NAPG: variants seen among roughly 807,000 people sequenced by gnomAD.
NAPG encodes the protein NSF attachment protein gamma, also known as gamma-soluble NSF attachment protein.
In NAPG, 25 loss-of-function variants were observed where a neutral mutation model predicts 48.4. The observed-to-expected ratio is 0.52, with a 90% CI of 0.38 to 0.72. The LOEUF is 0.72. Among genes scored for constraint, NAPG ranks in the 30% least tolerant of loss-of-function variants. NAPG has a pLI of 0.00. For missense variants in NAPG, 359 were observed against 372.5 expected (o/e 0.96, Z 0.30); for synonymous variants, 139 against 127.2 (o/e 1.09, Z -0.62).
chr18:10,545,935 G>A (rs1038939248), intron 8 of NAPG, among the ~76,000 whole-genome samples: 2 of 152,150 alleles, frequency 1.3e-5, no homozygotes, highest in Non-Finnish European at 2.9e-5. Flanking sequence ...GGAAGGCACC[G>A]AGTGCCTTGG....
At position 10,526,052 on chromosome 18, in the gene NAPG, G is replaced by A; in HGVS notation, c.-51G>A. 2 of 1,570,074 alleles carry A rather than the reference G, an allele frequency of 1.3e-6. No individual in the cohort carries two copies. Among genetic ancestry groups the A allele is most frequent in the South Asian group, 2.2e-5 (2 of 90,014 alleles). On this transcript the variant is annotated 5_prime_UTR_variant, in exon 1 of 12. Coordinates refer to ENST00000322897, the MANE Select transcript of NAPG (RefSeq NM_003826.3). Reference sequence around the variant, plus strand: ...CTATTTGGGCGGATTCTTGGCGCCGGAGGAAGAGGCAGGGTCACCCTCTCT... The same window carrying A: ...CTATTTGGGCGGATTCTTGGCGCCGAAGGAAGAGGCAGGGTCACCCTCTCT...
intron 5 of NAPG, among the ~76,000 whole-genome samples, chr18:10,536,551 G>A (rs747389831): frequency 2.0e-5 from 3 of 152,286 alleles, no homozygotes; most frequent in Non-Finnish European, 4.4e-5. Context: ...ATGGTGGAGG[G>A]TATAACTTTC....
At chr18:10,545,691 T>A (rs643757) in intron 8 of NAPG, among the ~76,000 whole-genome samples, 80,470 of 152,062 alleles carry the variant, frequency 0.53, 21,962 homozygotes, top group East Asian at 0.68. Context: ...TTGGGGGAAA[T>A]GTTTTGGTGA....
At chr18:10,537,436 G>A (rs568090192) in intron 5 of NAPG, among the ~76,000 whole-genome samples, 43 of 152,290 alleles carry the variant, frequency 2.8e-4, no homozygotes, top group African/African-American at 1.0e-3. Flanking sequence ...GCATCATAGG[G>A]CTCTTCATCC....
intron 5 of NAPG, among the ~76,000 whole-genome samples, chr18:10,535,658 G>A (rs929519530): frequency 4.6e-5 from 7 of 152,194 alleles, no homozygotes; most frequent in Non-Finnish European, 2.9e-5. Flanking sequence ...CTACTTGGGA[G>A]GCTGAGGCAG....
rs1320195546 is a variant in NAPG at position 10,534,930 on chromosome 18, T to C, written c.258+434T>C. Among the ~76,000 whole-genome samples the C allele has an allele frequency of 6.6e-6, 1 of 152,206 alleles. No homozygotes were observed. The highest frequency in any genetic ancestry group is 2.4e-5 in the African/African-American group (1 of 41,446). ...GCAGAAACAACCACAGATTTAAGCT[T>C]TTGCTACTTTAATTCATTCTGCATG... On this transcript the variant is annotated intron_variant, in intron 5 of 11. Transcript: ENST00000322897. The surrounding 1 kb of genome is among the most constrained non-coding windows in gnomAD (Gnocchi z 5.0).
In NAPG at chr18:10,543,469, C is replaced by CT. The variant is rs2032199180; in HGVS notation, c.507-2855dup. On this transcript the variant is annotated intron_variant, in intron 8 of 11. Coordinates refer to ENST00000322897, the MANE Select transcript of NAPG (RefSeq NM_003826.3). This position sits in a 1 kb window ranked among gnomAD's most constrained non-coding sequence, Gnocchi z 4.4. ...CTGAGATAAGGAATATAGAAACAAA[C>CT]TTATCAGTGATGATAATAAACTTAG... Among the ~76,000 whole-genome samples, 23 of 152,158 alleles carry CT rather than the reference C, an allele frequency of 1.5e-4. No homozygotes were observed. The highest frequency in any genetic ancestry group is 1.5e-3 in the Admixed American group (23 of 15,278).
chr18:10,529,152 G>GT (rs2031878886), intron 1 of NAPG, among the ~76,000 whole-genome samples: 1 of 152,164 alleles, frequency 6.6e-6, no homozygotes, highest in Non-Finnish European at 1.5e-5. Flanking sequence ...GTCTTTCCGT[G>GT]TATAGCACAT....
At chr18:10,527,063 C>T (rs953883076) in intron 1 of NAPG, among the ~76,000 whole-genome samples, 15 of 151,852 alleles carry the variant, frequency 9.9e-5, no homozygotes, top group African/African-American at 3.6e-4. Context: ...TGGCGGGCGC[C>T]TGTAGTCCCA....
At chr18:10,536,988 G>T (rs911783386) in intron 5 of NAPG, among the ~76,000 whole-genome samples, 19 of 141,778 alleles carry the variant, frequency 1.3e-4, no homozygotes, top group Non-Finnish European at 9.0e-5. Context: ...ACAGGATCTT[G>T]CTCTGTTGCC....
rs1471246032 is a variant in NAPG, at chr18:10,548,551, TC to T, written c.665+176del. Among the ~76,000 whole-genome samples the T allele has an allele frequency of 6.6e-6, 1 of 151,636 alleles. No individual in the cohort carries two copies. The highest frequency in any genetic ancestry group is 6.6e-5 in the Admixed American group (1 of 15,254). ...GGGTGTTTTACACCTTTTTTTTTTTTCCCTTTCCTGTATTTTTCTCTAGGGG... is the reference window on the plus strand; with the variant it reads ...GGGTGTTTTACACCTTTTTTTTTTTTCCTTTCCTGTATTTTTCTCTAGGGG... On this transcript the variant is annotated intron_variant, in intron 10 of 11. Coordinates refer to ENST00000322897, the MANE Select transcript of NAPG (RefSeq NM_003826.3). This position sits in a 1 kb window ranked among gnomAD's most constrained non-coding sequence, Gnocchi z 4.4.
rs768007837 is a variant in NAPG, at chr18:10,539,938, A to G, written c.369-50A>G. ...TTTTTGTTTTAAAGAGGTCCCTGAA[A>G]AACAAGTTTTCCATTTCTCATATAA... On this transcript the variant is annotated intron_variant, in intron 6 of 11. Coordinates refer to ENST00000322897, the MANE Select transcript of NAPG (RefSeq NM_003826.3). The surrounding 1 kb of genome is among the most constrained non-coding windows in gnomAD (Gnocchi z 4.7). 3 of 1,608,630 alleles carry G rather than the reference A, an allele frequency of 1.9e-6. No homozygotes were observed. The highest frequency in any genetic ancestry group is 2.5e-6 in the Non-Finnish European group (3 of 1,176,646).
rs377499689 is a variant in NAPG, at chr18:10,548,364, C to A, written c.651C>A (p.Val217=). The change falls in exon 10 of 12, where the codon GTC becomes GTA. Residue 217 remains valine (V), a synonymous_variant. Transcript: ENST00000322897. The surrounding 1 kb of genome is among the most constrained non-coding windows in gnomAD (Gnocchi z 4.4). ...ACTATGTAGCTGCAGAAAGATGTGT[C>A]CGGGAGAGCTATAGGTAAGACGTTG... The part of the protein sequence containing the change: ...RNDYVAAERC[V]RESYSIPGFN... 22 of 1,613,370 alleles carry A rather than the reference C, an allele frequency of 1.4e-5. No homozygotes were observed. Among genetic ancestry groups the A allele is most frequent in the Non-Finnish European group, 1.5e-5 (18 of 1,179,488 alleles).
rs573901378 is a variant in NAPG, at chr18:10,533,583, G to T, written c.227+30G>T. ...GTATTCTTCATGTTTTCATGTATTTGCAAATTATGTTTTAAATGTTGCTGT... is the reference window on the plus strand; with the variant it reads ...GTATTCTTCATGTTTTCATGTATTTTCAAATTATGTTTTAAATGTTGCTGT... On this transcript the variant is annotated intron_variant, in intron 4 of 11. Coordinates refer to ENST00000322897, the MANE Select transcript of NAPG (RefSeq NM_003826.3). The T allele has an allele frequency of 3.8e-6, 6 of 1,571,056 alleles. No homozygotes were observed. The African/African-American group carries it at 6.9e-5, about 18-fold the overall frequency.
chr18:10,530,200 T>G (rs1168077969), intron 1 of NAPG, among the ~76,000 whole-genome samples: 2 of 135,788 alleles, frequency 1.5e-5, no homozygotes, highest in Non-Finnish European at 3.1e-5. Flanking sequence ...TTTTTTTTTT[T>G]TTTTTTTTTT....
At chr18:10,541,107 C>G (rs969486145) in intron 8 of NAPG, among the ~76,000 whole-genome samples, 1 of 152,108 alleles carries the variant, frequency 6.6e-6, no homozygotes, top group Non-Finnish European at 1.5e-5. Context: ...ATGAATCTAT[C>G]CTATCTGAGA....
At chr18:10,537,487 G>A (rs2032059997) in intron 5 of NAPG, among the ~76,000 whole-genome samples, 1 of 152,110 alleles carries the variant, frequency 6.6e-6, no homozygotes, top group African/African-American at 2.4e-5. Flanking sequence ...GGAGGAAGAG[G>A]AGGAGGAGGA....
chr18:10,551,420 T>G lies in NAPG; in HGVS notation c.*1200T>G, dbSNP rs993878632. On this transcript the variant is annotated 3_prime_UTR_variant, in exon 12 of 12. Transcript: ENST00000322897. ...ACTTAGCTGAAAGGGAAGAATTGTTTTAGAAAGACAATATTTAAAACACCG... is the reference window on the plus strand; with the variant it reads ...ACTTAGCTGAAAGGGAAGAATTGTTGTAGAAAGACAATATTTAAAACACCG... 5.3e-5 allele frequency: 8 copies of G among 152,266 alleles called. No individual in the cohort carries two copies. The highest frequency in any genetic ancestry group is 1.7e-4 in the African/African-American group (7 of 41,466). The allele number at this position is 152,266 out of a possible 1,614,324, so 9.4% of individuals were successfully genotyped here. A position where few individuals can be genotyped will look rare whatever the true frequency, so the allele number is the denominator to read the frequency against.
intron 1 of NAPG, among the ~76,000 whole-genome samples, chr18:10,529,795 C>T (rs893568523): frequency 6.6e-6 from 1 of 152,178 alleles, no homozygotes; most frequent in African/African-American, 2.4e-5. Context: ...GTTCCCATGG[C>T]TGTCACATAA....
Sources: gnomAD v4.1 joint callset for allele counts (sites outside exome capture counted in the v4.1 genomes callset) on GRCh38, gnomAD v4.1.1 for gene constraint, Gnocchi (gnomAD v3.1) non-coding constraint, MANE v1.5 for transcripts, NCBI Gene and HGNC (gene_info 2026-07-23, HGNC 2026-07-21) for gene names.